ATM: variants seen among roughly 807,000 people sequenced by gnomAD.
The protein encoded by ATM is ATM serine/threonine kinase, also known as serine-protein kinase ATM.
In ATM, 308 loss-of-function variants were observed where a neutral mutation model predicts 387.0. The ratio of observed to expected loss-of-function variants is 0.80; its 90% confidence interval spans 0.73 to 0.87. The LOEUF is 0.87. Among genes scored for constraint, ATM ranks in the 40% least tolerant of loss-of-function variants. The pLI is 0.00. For missense variants in ATM, 3,312 were observed against 3,560.9 expected, an observed-to-expected ratio of 0.93 and a Z score of 1.78; for synonymous variants, 1,156 against 1,187.3, an observed-to-expected ratio of 0.97 and a Z score of 0.54.
At chr11:108,333,815 T>A in intron 53 of ATM, 71 bp from the exon 54 acceptor site, 1 of 1,223,106 alleles carries the variant, frequency 8.2e-7, no homozygotes, top group Non-Finnish European at 1.2e-6. Flanking sequence ...TGGTATCTGC[T>A]GACTATTCCT....
At chr11:108,350,333 G>A (rs2089032083) in intron 59 of ATM, among the ~76,000 whole-genome samples, 1 of 152,168 alleles carries the variant, frequency 6.6e-6, no homozygotes. Flanking sequence ...CCCCTGGGCT[G>A]AGTTAGGGAA....
intron 38 of ATM, chr11:108,309,174 G>T: frequency 1.7e-6 from 1 of 599,110 alleles, no homozygotes; most frequent in Non-Finnish European, 2.9e-6. Flanking sequence ...ACAGTATGTT[G>T]GGCAAAAACA....
intron 61 of ATM, among the ~76,000 whole-genome samples, chr11:108,356,350 A>T (rs911291586): frequency 2.6e-5 from 4 of 152,154 alleles, no homozygotes; most frequent in African/African-American, 9.7e-5. Flanking sequence ...AGTTTGGCCA[A>T]CATGGTGAAA....
At chr11:108,253,082 T>C (rs2080241899) in intron 12 of ATM, among the ~76,000 whole-genome samples, 170 bp downstream of exon 12, 1 of 152,198 alleles carries the variant, frequency 6.6e-6, no homozygotes, top group African/African-American at 2.4e-5. Context: ...GATTGTAATC[T>C]ATGTTATATA....
intron 4 of ATM, among the ~76,000 whole-genome samples, chr11:108,235,122 C>T (rs1422394845): frequency 6.6e-6 from 1 of 151,960 alleles, no homozygotes; most frequent in East Asian, 1.9e-4. Context: ...CATGGTGAAA[C>T]CCTGTCTCTA....
At chr11:108,322,703 A>G (rs930049972) in intron 45 of ATM, among the ~76,000 whole-genome samples, 1 of 152,174 alleles carries the variant, frequency 6.6e-6, no homozygotes, top group Non-Finnish European at 1.5e-5. Context: ...AACATTTTCC[A>G]AAATAGTCAC....
At chr11:108,304,952 C>T in intron 37 of ATM, 100 bp downstream of exon 37, 1 of 1,358,054 alleles carries the variant, frequency 7.4e-7, no homozygotes. Context: ...AGGATTAAAT[C>T]TATAACCTCT....
chr11:108,264,836 C>A (rs1250163272), intron 16 of ATM, among the ~76,000 whole-genome samples: 1 of 80,760 alleles, frequency 1.2e-5, no homozygotes, highest in Non-Finnish European at 2.5e-5. Context: ...TATACACCAA[C>A]AACAGACAAA....
chr11:108,343,399 T>C lies in ATM; in HGVS notation c.8418+28T>C. On this transcript the variant is annotated intron_variant, in intron 57 of 62. Coordinates refer to ENST00000675843, the MANE Select transcript of ATM (RefSeq NM_000051.4). ...GAGTGACACCCAAAATTAAAGGTTA[T>C]TGTAAGATTATTTAATGGCTTATTA... 3.7e-6 allele frequency: 6 copies of C among 1,612,848 alleles called. No homozygotes were observed. The highest frequency in any genetic ancestry group is 5.1e-6 in the Non-Finnish European group (6 of 1,179,030).
chr11:108,330,083 C>T, intron 49 of ATM, 131 bp from the exon 50 acceptor site: 2 of 901,422 alleles, frequency 2.2e-6, no homozygotes, highest in Non-Finnish European at 3.5e-6. Flanking sequence ...CCTTTATAAT[C>T]CTTAGAAGTT....
chr11:108,358,416 C>T (rs1207827830), intron 61 of ATM, among the ~76,000 whole-genome samples: 2 of 149,552 alleles, frequency 1.3e-5, no homozygotes, highest in Non-Finnish European at 3.0e-5. Context: ...CAAGGCAGGC[C>T]AACGTTCAGA....
Position 108,263,063 on chromosome 11 carries a change from T to C in ATM, c.2466+3988T>C, listed in dbSNP as rs529892820. ...GACTTTTAACACCCCACTGTCAACA[T>C]TAGACAGATCAACGAGACAGAAAGT... On this transcript the variant is annotated intron_variant, in intron 16 of 62. Coordinates refer to ENST00000675843, the MANE Select transcript of ATM (RefSeq NM_000051.4). 3.3e-5 allele frequency among the ~76,000 whole-genome samples: 5 copies of C among 152,024 alleles called. No individual in the cohort carries two copies. In the East Asian group the frequency reaches 9.7e-4, roughly 29 times the overall value.
chr11:108,297,446 A>T (rs1379316247), intron 33 of ATM, 64 bp downstream of exon 33: 24 of 1,279,920 alleles, frequency 1.9e-5, no homozygotes, highest in Non-Finnish European at 2.7e-5. Context: ...AGGACAGATT[A>T]TAATACTGTA....
At chr11:108,315,407 G>A (rs2084535747) in intron 40 of ATM, among the ~76,000 whole-genome samples, 1 of 152,134 alleles carries the variant, frequency 6.6e-6, no homozygotes, top group Admixed American at 6.5e-5. Flanking sequence ...TAATAGATTT[G>A]TGTATATTTT....
rs1000865352 is a variant in ATM at position 108,367,712 on chromosome 11, C to T, written c.*2204C>T. On this transcript the variant is annotated 3_prime_UTR_variant, in exon 63 of 63. Coordinates refer to ENST00000675843, the MANE Select transcript of ATM (RefSeq NM_000051.4). ...GGCACTCATTCATATTTGATCTCCT[C>T]ACCTTCCCCTCCCCTAAAACCAATC... The T allele has an allele frequency of 2.3e-5, 5 of 216,562 alleles. No individual in the cohort carries two copies. The highest frequency in any genetic ancestry group is 3.7e-5 in the Non-Finnish European group (4 of 107,486). The allele number at this position is 216,562 out of a possible 1,614,324, so 13.4% of individuals were successfully genotyped here. A position where few individuals can be genotyped will look rare whatever the true frequency, so the allele number is the denominator to read the frequency against.
At chr11:108,335,302 AAT>A (rs1158961560) in intron 55 of ATM, 193 bp downstream of exon 55, 11 of 1,495,058 alleles carry the variant, frequency 7.4e-6, no homozygotes, top group Non-Finnish European at 9.8e-6. Context: ...TCTGAAAGAC[AAT>A]CATTATTATA....
Position 108,303,008 on chromosome 11 carries a change from A to G in ATM, c.5475A>G (p.Gln1825=), listed in dbSNP as rs1555106560. 1.2e-6 allele frequency: 2 copies of G among 1,612,974 alleles called. No individual in the cohort carries two copies. The highest frequency in any genetic ancestry group is 1.7e-6 in the Non-Finnish European group (2 of 1,179,118). The part of the protein sequence containing the change: ...DSGGTKCEIL[Q]LLKPMCEVKT... Reference sequence around the variant, plus strand: ...GAGGCACAAAATGTGAAATTCTTCAATTATTAAAGCCAATGTGTGAAGTAA... The same window carrying G: ...GAGGCACAAAATGTGAAATTCTTCAGTTATTAAAGCCAATGTGTGAAGTAA... The change falls in exon 36 of 63, where the codon CAA becomes CAG. Residue 1825 remains glutamine (Q), a synonymous_variant. Coordinates refer to ENST00000675843, the MANE Select transcript of ATM (RefSeq NM_000051.4).
intron 9 of ATM, among the ~76,000 whole-genome samples, chr11:108,250,141 A>T (rs946602872): frequency 6.8e-6 from 1 of 146,482 alleles, no homozygotes; most frequent in Non-Finnish European, 1.5e-5. Context: ...AATATTGCTA[A>T]ATATATATAT....
At chr11:108,304,431 AAC>A (rs1387749001) in intron 36 of ATM, among the ~76,000 whole-genome samples, 1 of 152,202 alleles carries the variant, frequency 6.6e-6, no homozygotes. Flanking sequence ...ACTGGAAATA[AAC>A]AGTTACAGTG....
Sources: gnomAD v4.1 joint callset for allele counts (sites outside exome capture counted in the v4.1 genomes callset) on GRCh38, gnomAD v4.1.1 for gene constraint, MANE v1.5 for transcripts, NCBI Gene and HGNC (gene_info 2026-07-23, HGNC 2026-07-21) for gene names.